MTDH: variants seen among roughly 807,000 people sequenced by gnomAD.
MTDH encodes the protein protein LYRIC.
A neutral mutation model predicts 72.7 loss-of-function variants in MTDH; 34 were observed. The ratio of observed to expected loss-of-function variants is 0.47; its 90% confidence interval spans 0.36 to 0.62. The LOEUF (loss-of-function observed/expected upper bound fraction) is 0.62. Among genes scored for constraint, MTDH ranks in the 20% least tolerant of loss-of-function variants. MTDH has a pLI of 0.00. For missense variants in MTDH, 677 were observed against 699.4 expected, an observed-to-expected ratio of 0.97 and a Z score of 0.36; for synonymous variants, 266 against 268.9, an observed-to-expected ratio of 0.99 and a Z score of 0.10.
intron 2 of MTDH, among the ~76,000 whole-genome samples, chr8:97,681,602 T>G (rs1452840831): frequency 1.3e-5 from 2 of 151,540 alleles, no homozygotes; most frequent in African/African-American, 2.4e-5. Context: ...CAAGCGATTC[T>G]TCTGCCTCAG....
intron 1 of MTDH, among the ~76,000 whole-genome samples, chr8:97,647,937 C>CTT (rs1252506650): frequency 6.7e-6 from 1 of 149,638 alleles, no homozygotes; most frequent in Non-Finnish European, 1.5e-5. Flanking sequence ...CAGCAAGACT[C>CTT]TGTCTCCTAA....
intron 1 of MTDH, among the ~76,000 whole-genome samples, chr8:97,655,969 G>C (rs182867535): frequency 1.3e-5 from 2 of 152,288 alleles, no homozygotes; most frequent in African/African-American, 4.8e-5. Context: ...TAAAATCACA[G>C]TGATTAAATA....
At chr8:97,651,649 A>G (rs1328474815) in intron 1 of MTDH, among the ~76,000 whole-genome samples, 1 of 152,228 alleles carries the variant, frequency 6.6e-6, no homozygotes, top group African/African-American at 2.4e-5. Flanking sequence ...TAGTGAAAAG[A>G]TAAATTCACC....
intron 4 of MTDH, among the ~76,000 whole-genome samples, chr8:97,688,592 C>T (rs1813460468): frequency 6.6e-6 from 1 of 152,136 alleles, no homozygotes; most frequent in African/African-American, 2.4e-5. Context: ...ATTCTCACCT[C>T]TTGCCATATT....
At chr8:97,646,580 T>G (rs997173674) in intron 1 of MTDH, among the ~76,000 whole-genome samples, 1 of 151,130 alleles carries the variant, frequency 6.6e-6, no homozygotes, top group Admixed American at 6.6e-5. Flanking sequence ...TAAACTTGAG[T>G]TGAGAGAGAC....
chr8:97,687,296 A>G lies in MTDH; in HGVS notation c.569-133A>G, dbSNP rs1312291421. On this transcript the variant is annotated intron_variant, in intron 3 of 11. Transcript: ENST00000336273. ...TTCTTAGGATGAGTTAATATAATCA[A>G]CACTCTTGGTTTTAGCTTAACATCT... 7.7e-6 allele frequency: 5 copies of G among 645,998 alleles called. No homozygotes were observed. In the Admixed American group the frequency reaches 1.1e-4, roughly 14 times the overall value. 40.0% of individuals were successfully genotyped at this position (645,998 alleles called of 1,614,324 possible).
Position 97,689,102 on chromosome 8 carries a change from G to C in MTDH, c.810G>C (p.Gln270His). 1 of 1,567,982 alleles carries C rather than the reference G, an allele frequency of 6.4e-7. No homozygotes were observed. Among genetic ancestry groups the C allele is most frequent in the Non-Finnish European group, 8.7e-7 (1 of 1,147,512 alleles). ...CTGGAAAAGGAGATTCTACACTTCA[G>C]GGTGAGAGAAATTACATGTAACTTA... ...FKSGKGDSTL[Q>H]VSSGLNENLT... is the part of the protein sequence containing the mutation. The change falls in exon 5 of 12, where the codon CAG becomes CAC. Residue 270 changes from glutamine to histidine, a missense_variant and splice_region_variant. Transcript: ENST00000336273.
Position 97,644,861 on chromosome 8 carries a change from C to T in MTDH, c.355C>T (p.Arg119Trp), listed in dbSNP as rs779356950. ...LRSEEQKKKNRKKLSEKPKPN... is the reference protein window; with the variant it reads ...LRSEEQKKKNWKKLSEKPKPN... ...GAGCGAGGAACAGAAGAAGAAGAAC[C>T]GGAAGAAACTGTCCGAGAAGCCCAA... The change falls in exon 1 of 12, where the codon CGG becomes TGG. Residue 119 changes from arginine (R) to tryptophan (W), a missense_variant. Transcript: ENST00000336273. 5.1e-6 allele frequency: 8 copies of T among 1,569,768 alleles called. No individual in the cohort carries two copies. The African/African-American group carries it at 5.8e-5, about 11-fold the overall frequency.
intron 1 of MTDH, 68 bp downstream of exon 1, chr8:97,644,955 G>A (rs967667289): frequency 1.4e-5 from 20 of 1,460,458 alleles, no homozygotes; most frequent in Middle Eastern, 3.7e-4. Context: ...GAGCTTGGGG[G>A]AGGCCGCGCC....
rs1815355554 is a variant in MTDH at position 97,726,468 on chromosome 8, GT to G, written c.*1800del. 6.6e-6 allele frequency: 1 copy of G among 152,218 alleles called. No individual in the cohort carries two copies. The highest frequency in any genetic ancestry group is 1.5e-5 in the Non-Finnish European group (1 of 68,050). The allele number at this position is 152,218 out of a possible 1,614,324, so 9.4% of individuals were successfully genotyped here. On this transcript the variant is annotated 3_prime_UTR_variant, in exon 12 of 12. Transcript: ENST00000336273. ...TTTGTAAAGGTACCACAAAGGAGAA[GT>G]TGATAGGGAATCTAATTTTAGAATG...
At chr8:97,653,034 G>C (rs916842075) in intron 1 of MTDH, among the ~76,000 whole-genome samples, 3 of 151,722 alleles carry the variant, frequency 2.0e-5, no homozygotes, top group African/African-American at 7.3e-5. Context: ...CAGGGGAATC[G>C]CTTGAACCCG....
At chr8:97,665,347 C>A (rs1231522954) in intron 2 of MTDH, among the ~76,000 whole-genome samples, 1 of 152,118 alleles carries the variant, frequency 6.6e-6, no homozygotes, top group African/African-American at 2.4e-5. Flanking sequence ...GTTTGAAAGT[C>A]AGTGTTTCAT....
In MTDH at chr8:97,682,128, G is replaced by A. The variant is rs145685558; in HGVS notation, c.484-4540G>A. On this transcript the variant is annotated intron_variant, in intron 2 of 11. Transcript: ENST00000336273. ...AGTAAGATGTTTGCTTCAGTAGTAT[G>A]GCCAGGGCAAATAGCAGTATATATC... Among the ~76,000 whole-genome samples, 1,154 of 149,860 alleles carry A rather than the reference G, an allele frequency of 7.7e-3. 15 individuals carry two copies. The highest frequency in any genetic ancestry group is 0.026 in the African/African-American group (1,079 of 40,784).
chr8:97,723,003 A>G lies in MTDH; in HGVS notation c.1646A>G (p.Asn549Ser). 6.2e-7 allele frequency: 1 copy of G among 1,614,104 alleles called. No homozygotes were observed. Residue 549 changes from asparagine to serine, a missense_variant, in exon 11 of 12, where the codon AAT (asparagine) becomes AGT (serine). Coordinates refer to ENST00000336273, the MANE Select transcript of MTDH (RefSeq NM_178812.4). ...ILQETDKSKS[N>S]TKQNSVPPSQ... is the part of the protein sequence containing the mutation. ...CAAGAGACAGATAAATCCAAGTCAAATACCAAGCAAAATAGTGTGCCTCCT... is the reference window on the plus strand; with the variant it reads ...CAAGAGACAGATAAATCCAAGTCAAGTACCAAGCAAAATAGTGTGCCTCCT...
At chr8:97,713,828 T>C (rs1814734287) in intron 9 of MTDH, 59 bp downstream of exon 9, 7 of 962,802 alleles carry the variant, frequency 7.3e-6, no homozygotes, top group African/African-American at 1.7e-5. Flanking sequence ...TGTGAAAAGA[T>C]TATGTACAGA....
intron 2 of MTDH, among the ~76,000 whole-genome samples, chr8:97,676,447 T>C (rs1306413050): frequency 6.6e-6 from 1 of 152,210 alleles, no homozygotes; most frequent in Non-Finnish European, 1.5e-5. Flanking sequence ...TCTTTGTACT[T>C]TGCAATTCTC....
At chr8:97,658,454 C>A (rs1812059544) in intron 1 of MTDH, among the ~76,000 whole-genome samples, 1 of 152,156 alleles carries the variant, frequency 6.6e-6, no homozygotes, top group Non-Finnish European at 1.5e-5. Flanking sequence ...GAGGCTACAT[C>A]AATATTGTTT....
rs778776992 is a variant in MTDH at position 97,644,615 on chromosome 8, G to A, written c.109G>A (p.Gly37Ser). The A allele has an allele frequency of 1.2e-6, 2 of 1,610,022 alleles. No individual in the cohort carries two copies. The highest frequency in any genetic ancestry group is 1.7e-6 in the Non-Finnish European group (2 of 1,179,292). ...VGLGFLRTELGLDLGLEPKRY... is the reference protein window; with the variant it reads ...VGLGFLRTELSLDLGLEPKRY... Reference sequence around the variant, plus strand: ...CCTAGGCTTTCTGCGCACCGAGCTGGGCCTCGACCTGGGGCTGGAGCCGAA... The same window carrying A: ...CCTAGGCTTTCTGCGCACCGAGCTGAGCCTCGACCTGGGGCTGGAGCCGAA... Residue 37 changes from glycine (G) to serine (S), a missense_variant, in exon 1 of 12, where the codon GGC (glycine) becomes AGC (serine). This residue lies in a region of MTDH where 467 missense variants were observed against 469.1 expected (regional missense o/e 1.00). Coordinates refer to ENST00000336273, the MANE Select transcript of MTDH (RefSeq NM_178812.4).
intron 7 of MTDH, among the ~76,000 whole-genome samples, chr8:97,702,869 T>C (rs1814190263): frequency 6.6e-6 from 1 of 152,208 alleles, no homozygotes. Context: ...TAAAATGTTA[T>C]TCCATAAGCA....
Sources: allele counts gnomAD v4.1 joint callset (sites outside exome capture counted in the v4.1 genomes callset), GRCh38; gene constraint gnomAD v4.1.1; regional missense constraint gnomAD v4.1.1; transcripts MANE v1.5; gene names NCBI Gene and HGNC (gene_info 2026-07-23, HGNC 2026-07-21).